Variants in RP2 observed in about 807,000 individuals in gnomAD.
The protein encoded by RP2 is RP2 activator of ARL3 GTPase.
A neutral mutation model predicts 20.3 loss-of-function variants in RP2; 3 were observed. That is an observed-to-expected ratio of 0.15 (90% CI 0.07 to 0.38). The LOEUF (loss-of-function observed/expected upper bound fraction) is 0.38. RP2 is among the 10% of genes least tolerant of loss of function. RP2 has a pLI of 1.00. For synonymous variants in RP2, 75 were observed against 94.8 expected (o/e 0.79, Z 1.22); for missense variants, 233 against 268.5 (o/e 0.87, Z 0.92).
chrX:46,837,540 C>T (rs1924537946), intron 1 of RP2, among the ~76,000 whole-genome samples: 1 of 111,421 alleles, frequency 9.0e-6, no homozygotes, highest in African/African-American at 3.3e-5. Flanking sequence ...GCCGAGAACG[C>T]CCTGAATCTC....
At position 46,847,813 on chromosome X, in the gene RP2, CAT is replaced by C. The variant is rs201156375; in HGVS notation, c.103-5658_103-5657del. Among the ~76,000 whole-genome samples the C allele has an allele frequency of 5.7e-3, 507 of 89,456 alleles. 3 individuals carry two copies. Among genetic ancestry groups the C allele is most frequent in the African/African-American group, 0.014 (327 of 22,841 alleles). 77.7% of individuals were successfully genotyped at this position (89,456 alleles called of 115,157 possible). ...ATGTGTGTGTGTATATATATACACA[CAT>C]ATATGTGTATATGTGTATATATGTG... On this transcript the variant is annotated intron_variant, in intron 1 of 4. Transcript: ENST00000218340.
chrX:46,854,429 T>C (rs1322165466), intron 2 of RP2, among the ~76,000 whole-genome samples: 1 of 112,220 alleles, frequency 8.9e-6, no homozygotes, highest in African/African-American at 3.2e-5. Flanking sequence ...AAAGAAACTT[T>C]AAAAAAATAT....
chrX:46,847,687 TATATATGTGTGTGTGTATATATACACAC>T (rs1569531325), intron 1 of RP2, among the ~76,000 whole-genome samples: 6 of 85,261 alleles, frequency 7.0e-5, no homozygotes, highest in African/African-American at 1.4e-4. Flanking sequence ...GATCACACTA[TATATATGTGTGTGTGTATATATACACAC>T]ATATATGTGT....
At chrX:46,879,611 C>T (rs981246441) in intron 4 of RP2, 75 bp from the exon 5 acceptor site, 23 of 599,541 alleles carry the variant, frequency 3.8e-5, no homozygotes, top group Non-Finnish European at 5.7e-5. Flanking sequence ...GAACTTTGTT[C>T]TGTGGAGAAC....
intron 1 of RP2, among the ~76,000 whole-genome samples, chrX:46,848,864 A>G (rs1355625837): frequency 9.3e-6 from 1 of 107,982 alleles, no homozygotes; most frequent in Admixed American, 9.9e-5. Context: ...CCCCATCTCT[A>G]CAGAAAATAC....
At chrX:46,865,359 A>G (rs1229943277) in intron 3 of RP2, among the ~76,000 whole-genome samples, 1 of 111,649 alleles carries the variant, frequency 9.0e-6, no homozygotes, top group Non-Finnish European at 1.9e-5. Flanking sequence ...ATGTTCCTCA[A>G]TTTATGTTTA....
intron 2 of RP2, among the ~76,000 whole-genome samples, chrX:46,856,675 T>C (rs1556319272): frequency 1.8e-5 from 2 of 111,722 alleles, no homozygotes; most frequent in African/African-American, 6.5e-5. Context: ...GATGCTGTTA[T>C]GCTCCCTCAG....
intron 3 of RP2, among the ~76,000 whole-genome samples, chrX:46,877,302 T>G (rs1024513605): frequency 8.9e-6 from 1 of 112,444 alleles, no homozygotes; most frequent in Admixed American, 9.5e-5. Flanking sequence ...CTGAAGCTAC[T>G]TGTTATGAGA....
intron 3 of RP2, among the ~76,000 whole-genome samples, chrX:46,876,851 C>G (rs1925379991): frequency 8.9e-6 from 1 of 112,095 alleles, no homozygotes; most frequent in Non-Finnish European, 1.9e-5. Context: ...TCCTGGAGAT[C>G]AAGACTTTTC....
rs782350594 is a variant in RP2 at position 46,869,139 on chromosome X, C to T, written c.884-8366C>T. ...AAAACATCGATGTCAGGTTTAGGCACAGTTGCTTATGCCTGTAATCCCAGC... is the reference window on the plus strand; with the variant it reads ...AAAACATCGATGTCAGGTTTAGGCATAGTTGCTTATGCCTGTAATCCCAGC... On this transcript the variant is annotated intron_variant, in intron 3 of 4. Coordinates refer to ENST00000218340, the MANE Select transcript of RP2 (RefSeq NM_006915.3). 3.6e-5 allele frequency among the ~76,000 whole-genome samples: 4 copies of T among 109,723 alleles called. No individual in the cohort carries two copies. In the East Asian group the frequency reaches 1.2e-3, roughly 32 times the overall value.
chrX:46,880,489 C>A lies in RP2; in HGVS notation c.*720C>A, dbSNP rs1241522824. On this transcript the variant is annotated 3_prime_UTR_variant, in exon 5 of 5. Coordinates refer to ENST00000218340, the MANE Select transcript of RP2 (RefSeq NM_006915.3). ...CAACTGCTATATGACTCTTCTGCTTCCTGATAAGAAAAGGTATATGCAATG... is the reference window on the plus strand; with the variant it reads ...CAACTGCTATATGACTCTTCTGCTTACTGATAAGAAAAGGTATATGCAATG... The A allele has an allele frequency of 9.0e-6, 1 of 111,569 alleles. No homozygotes were observed. The highest frequency in any genetic ancestry group is 1.9e-5 in the Non-Finnish European group (1 of 53,066). The allele number at this position is 111,569 out of a possible 1,213,427, so 9.2% of individuals were successfully genotyped here.
At chrX:46,847,415 T>G (rs1183907647) in intron 1 of RP2, among the ~76,000 whole-genome samples, 3 of 110,245 alleles carry the variant, frequency 2.7e-5, no homozygotes, top group African/African-American at 9.9e-5. Context: ...GATTGTGTTT[T>G]TGGTTTCACA....
intron 1 of RP2, among the ~76,000 whole-genome samples, chrX:46,849,161 C>A (rs140586570): frequency 9.0e-6 from 1 of 110,543 alleles, no homozygotes; most frequent in African/African-American, 3.3e-5. Context: ...TGCAAAATTA[C>A]GAAGGATTTC....
chrX:46,865,955 C>A (rs1202219233), intron 3 of RP2, among the ~76,000 whole-genome samples: 1 of 110,919 alleles, frequency 9.0e-6, no homozygotes, highest in Non-Finnish European at 1.9e-5. Context: ...GTCCCTTCTC[C>A]CCATTTATTC....
intron 1 of RP2, among the ~76,000 whole-genome samples, chrX:46,847,707 T>TAC (rs1250827520): frequency 6.2e-5 from 5 of 80,342 alleles, no homozygotes; most frequent in East Asian, 4.5e-4. Flanking sequence ...TGTGTGTATA[T>TAC]ATACACACAT....
intron 3 of RP2, among the ~76,000 whole-genome samples, chrX:46,865,934 A>G (rs1925164269): frequency 9.0e-6 from 1 of 111,137 alleles, no homozygotes; most frequent in African/African-American, 3.3e-5. Context: ...TCAAAAAAAA[A>G]AAAAAGATTT....
chrX:46,869,721 T>C (rs1395011230), intron 3 of RP2, among the ~76,000 whole-genome samples: 1 of 105,786 alleles, frequency 9.5e-6, no homozygotes, highest in Non-Finnish European at 1.9e-5. Flanking sequence ...GTGATTCTCC[T>C]GCCTCAGCCT....
chrX:46,867,218 A>T (rs1361685355), intron 3 of RP2, among the ~76,000 whole-genome samples: 2 of 111,126 alleles, frequency 1.8e-5, no homozygotes, highest in Non-Finnish European at 3.8e-5. Flanking sequence ...CTCCTGCCTC[A>T]GCTTCCCGAG....
At position 46,846,504 on chromosome X, in the gene RP2, T is replaced by A. The variant is rs140558567; in HGVS notation, c.103-6972T>A. On this transcript the variant is annotated intron_variant, in intron 1 of 4. Coordinates refer to ENST00000218340, the MANE Select transcript of RP2 (RefSeq NM_006915.3). Reference sequence around the variant, plus strand: ...TGGGAGGCTGAGACAGGAGGATTGCTTGAGCCCAGGAGTTTGAAGCTGCAG... The same window carrying A: ...TGGGAGGCTGAGACAGGAGGATTGCATGAGCCCAGGAGTTTGAAGCTGCAG... Among the ~76,000 whole-genome samples the A allele has an allele frequency of 4.5e-3, 492 of 110,419 alleles. 2 individuals are homozygous for A. Among genetic ancestry groups the A allele is most frequent in the African/African-American group, 0.015 (468 of 30,348 alleles).
Sources: allele counts gnomAD v4.1 joint callset (sites outside exome capture counted in the v4.1 genomes callset), GRCh38; gene constraint gnomAD v4.1.1; transcripts MANE v1.5; gene names NCBI Gene and HGNC (gene_info 2026-07-23, HGNC 2026-07-21).